GSPT1: variants seen among roughly 807,000 people sequenced by gnomAD.
The protein encoded by GSPT1 is eukaryotic peptide chain release factor GTP-binding subunit ERF3A.
GSPT1 carries 20 observed loss-of-function variants against 72.5 expected under a neutral mutation model. The ratio of observed to expected loss-of-function variants is 0.28; its 90% CI spans 0.19 to 0.40. The LOEUF is 0.40. Ranked by LOEUF, GSPT1 falls within the 10% of genes least tolerant of loss-of-function variation. The pLI, the probability that GSPT1 is intolerant of heterozygous loss-of-function variation, is 1.00. For missense variants in GSPT1, 580 were observed against 811.9 expected (o/e 0.71, Z 3.47); for synonymous variants, 334 against 293.5 (o/e 1.14, Z -1.41).
At chr16:11,900,545 A>G (rs1430469257) in intron 1 of GSPT1, among the ~76,000 whole-genome samples, 1 of 152,030 alleles carries the variant, frequency 6.6e-6, no homozygotes, top group African/African-American at 2.4e-5. Context: ...TCCTGTAATC[A>G]CTACCATCTA....
Position 11,894,977 on chromosome 16 carries a change from C to T in GSPT1, c.675G>A (p.Lys225=). 1.3e-6 allele frequency: 2 copies of T among 1,590,506 alleles called. No homozygotes were observed. The highest frequency in any genetic ancestry group is 1.7e-6 in the Non-Finnish European group (2 of 1,164,504). ...VVFIGHVDAG[K]STIGGQIMYL... is the part of the protein sequence containing the mutation. ...ACATTATTTGTCCTCCAATGGTTGA[C>T]TTGCCAGCATCTAAAAGTAACATCA... is the stretch of plus-strand genomic sequence containing the variant. The change falls in exon 5 of 15, where the codon AAG becomes AAA. Residue 225 remains lysine (K), a synonymous_variant. Transcript: ENST00000434724.
chr16:11,913,146 T>A (rs2054581917), intron 1 of GSPT1, among the ~76,000 whole-genome samples: 1 of 152,230 alleles, frequency 6.6e-6, no homozygotes, highest in Non-Finnish European at 1.5e-5. Flanking sequence ...TTTATCCCCC[T>A]GCTTTTTATA....
chr16:11,884,109 A>C (rs1442694902), intron 10 of GSPT1, among the ~76,000 whole-genome samples: 2 of 152,228 alleles, frequency 1.3e-5, no homozygotes, highest in African/African-American at 4.8e-5. Flanking sequence ...AACATTACAT[A>C]CATTGATACC....
chr16:11,904,520 T>C (rs2054464232), intron 1 of GSPT1, among the ~76,000 whole-genome samples: 1 of 152,026 alleles, frequency 6.6e-6, no homozygotes, highest in African/African-American at 2.4e-5. Context: ...GTTATGTGGA[T>C]TTTGCTTCAA....
In GSPT1 at chr16:11,909,979, T is replaced by C. The variant is rs142199193; in HGVS notation, c.352+5390A>G. On this transcript the variant is annotated intron_variant, in intron 1 of 14. Coordinates refer to ENST00000434724, the MANE Select transcript of GSPT1 (RefSeq NM_002094.4). ...CAGGCGTCATGGTGGGTGCCTATAGTCCTAGCTACTCAGGAAGCTGAGGTG... is the reference window on the plus strand; with the variant it reads ...CAGGCGTCATGGTGGGTGCCTATAGCCCTAGCTACTCAGGAAGCTGAGGTG... 1.2e-4 allele frequency among the ~76,000 whole-genome samples: 19 copies of C among 152,078 alleles called. No homozygotes were observed. In the East Asian group the frequency reaches 1.9e-3, roughly 15 times the overall value.
intron 1 of GSPT1, chr16:11,904,110 G>T: frequency 4.3e-6 from 1 of 230,874 alleles, no homozygotes. Context: ...CCACACATCT[G>T]AGGTTTTGGC....
rs547059202 is a variant in GSPT1 at position 11,873,029 on chromosome 16, C to G, written c.*90G>C. The G allele has an allele frequency of 5.6e-4, 411 of 732,254 alleles. 2 individuals are homozygous for G. Among genetic ancestry groups the G allele is most frequent in the Non-Finnish European group, 8.5e-4 (352 of 414,864 alleles). The allele number at this position is 732,254 out of a possible 1,614,324, so 45.4% of individuals were successfully genotyped here. A position where few individuals can be genotyped will look rare whatever the true frequency, so the allele number is the denominator to read the frequency against. ...TTGCAAAATATGGGGAGAGGTTTAT[C>G]AATGGGCAGAAAATAAGAGAAGGCG... On this transcript the variant is annotated 3_prime_UTR_variant, in exon 15 of 15. Coordinates refer to ENST00000434724, the MANE Select transcript of GSPT1 (RefSeq NM_002094.4).
rs139137665 is a variant in GSPT1 at position 11,897,277 on chromosome 16, C to A, written c.437-492G>T. On this transcript the variant is annotated intron_variant, in intron 3 of 14. Transcript: ENST00000434724. ...AGAATAAAGTTATAAAAAGGAAGAA[C>A]ATTTTTCACCAAGAAAACAGAACGT... 3.1e-3 allele frequency among the ~76,000 whole-genome samples: 472 copies of A among 152,232 alleles called. 3 individuals are homozygous for A. Among genetic ancestry groups the A allele is most frequent in the African/African-American group, 0.011 (444 of 41,550 alleles).
intron 5 of GSPT1, among the ~76,000 whole-genome samples, chr16:11,892,829 CAAAAAAAAAAAA>C (rs57546698): frequency 2.2e-4 from 7 of 31,222 alleles, no homozygotes; most frequent in East Asian, 2.9e-3. Flanking sequence ...GATTCTGTCT[CAAAAAAAAAAAA>C]AAAAAAAAAA....
intron 3 of GSPT1, among the ~76,000 whole-genome samples, chr16:11,897,302 T>A (rs1019712292): frequency 3.9e-5 from 6 of 151,968 alleles, no homozygotes; most frequent in African/African-American, 1.4e-4. Flanking sequence ...AAACAGAACG[T>A]GTGGCCGAGC....
chr16:11,908,928 C>A (rs559836774), intron 1 of GSPT1: 48 of 152,298 alleles, frequency 3.2e-4, no homozygotes, highest in Non-Finnish European at 6.3e-4. Context: ...GCAGCCGGGG[C>A]AACAAAGGGA....
At position 11,877,442 on chromosome 16, in the gene GSPT1, T is replaced by C; in HGVS notation, c.1567A>G (p.Asn523Asp). 1 of 1,601,334 alleles carries C rather than the reference T, an allele frequency of 6.2e-7. No homozygotes were observed. Among genetic ancestry groups the C allele is most frequent in the Non-Finnish European group, 8.5e-7 (1 of 1,176,000 alleles). ...AATGTGCGTCCAGAATGACAAAGAT[T>C]ATTAGGATCACAAAGTATAAACCCT... ...LPGFILCDPN[N>D]LCHSGRTFDA... The change falls in exon 12 of 15, where the codon AAT becomes GAT. Residue 523 changes from asparagine (N) to aspartate (D), a missense_variant. By Grantham distance (23) the Asn-to-Asp change is conservative. Coordinates refer to ENST00000434724, the MANE Select transcript of GSPT1 (RefSeq NM_002094.4). This position sits in a 1 kb window ranked among gnomAD's most constrained non-coding sequence, Gnocchi z 4.0.
intron 5 of GSPT1, among the ~76,000 whole-genome samples, chr16:11,891,399 G>A (rs150968631): frequency 7.0e-6 from 1 of 142,494 alleles, no homozygotes; most frequent in African/African-American, 2.6e-5. Context: ...TTTCGCTCTT[G>A]TCATCCACCT....
chr16:11,901,209 G>T (rs1369260822), intron 1 of GSPT1, among the ~76,000 whole-genome samples: 2 of 152,008 alleles, frequency 1.3e-5, no homozygotes, highest in African/African-American at 2.4e-5. Flanking sequence ...TACATACACA[G>T]TAAACCTTTA....
At chr16:11,880,101 T>G (rs2054103669) in intron 11 of GSPT1, 1 of 152,552 alleles carries the variant, frequency 6.6e-6, no homozygotes, top group South Asian at 2.1e-4. Context: ...TATTTGTCTT[T>G]TTGTGACTGT....
intron 1 of GSPT1, among the ~76,000 whole-genome samples, chr16:11,914,197 A>C (rs1342496233): frequency 2.0e-5 from 3 of 152,226 alleles, no homozygotes; most frequent in Non-Finnish European, 2.9e-5. Context: ...TTTCTCTTTA[A>C]GGAAACACTG....
intron 9 of GSPT1, 142 bp from the exon 10 acceptor site, chr16:11,885,416 T>G (rs1310470926): frequency 1.7e-6 from 1 of 589,392 alleles, no homozygotes; most frequent in Admixed American, 2.7e-5. Flanking sequence ...ATCCATTTCA[T>G]CTCACTTATT....
intron 14 of GSPT1, 103 bp from the exon 15 acceptor site, chr16:11,873,274 A>G: frequency 1.6e-6 from 1 of 606,444 alleles, no homozygotes; most frequent in South Asian, 2.2e-5. Flanking sequence ...TTTACAATGT[A>G]AGTTACTAAT....
At position 11,870,742 on chromosome 16, in the gene GSPT1, C is replaced by T. The variant is rs1331700196; in HGVS notation, c.*2377G>A. On this transcript the variant is annotated 3_prime_UTR_variant, in exon 15 of 15. Coordinates refer to ENST00000434724, the MANE Select transcript of GSPT1 (RefSeq NM_002094.4). The stretch of plus-strand genomic sequence containing the variant: ...AACTTATGTTGCTGGTTAATTTTAG[C>T]ACTGAAATTTCTTTTGAATAATCTA... The T allele has an allele frequency of 6.6e-6, 1 of 152,160 alleles. No homozygotes were observed. The highest frequency in any genetic ancestry group is 1.5e-5 in the Non-Finnish European group (1 of 68,030). 9.4% of individuals were successfully genotyped at this position (152,160 alleles called of 1,614,324 possible).
Sources: gnomAD v4.1 joint callset for allele counts (sites outside exome capture counted in the v4.1 genomes callset) on GRCh38, gnomAD v4.1.1 for gene constraint, Gnocchi (gnomAD v3.1) non-coding constraint, MANE v1.5 for transcripts, NCBI Gene and HGNC (gene_info 2026-07-23, HGNC 2026-07-21) for gene names.